Variants in CCDC91 observed in about 807,000 individuals in gnomAD.
The protein encoded by CCDC91 is coiled-coil domain containing 91, also known as coiled-coil domain-containing protein 91.
In CCDC91, 48 loss-of-function variants were observed where a neutral mutation model predicts 63.2. The ratio of observed to expected loss-of-function variants is 0.76; its 90% CI spans 0.60 to 0.97. The LOEUF is 0.97. Ranked by LOEUF, CCDC91 falls within the 50% of genes least tolerant of loss-of-function variation. The probability of loss-of-function intolerance (pLI) is 0.00; values close to 1 mark genes in which losing one functional copy is unlikely to be tolerated. For synonymous variants in CCDC91, 167 were observed against 165.8 expected (o/e 1.01, Z -0.06); for missense variants, 500 against 494.6 (o/e 1.01, Z -0.10).
intron 12 of CCDC91, among the ~76,000 whole-genome samples, chr12:28,521,796 T>G (rs2141443681): frequency 6.6e-6 from 1 of 152,318 alleles, no homozygotes; most frequent in African/African-American, 2.4e-5. Flanking sequence ...TTGTTGAGTT[T>G]TGTCAAAGGC....
chr12:28,443,745 CAG>C (rs1285314791), intron 8 of CCDC91, among the ~76,000 whole-genome samples: 11 of 152,038 alleles, frequency 7.2e-5, no homozygotes, highest in African/African-American at 2.4e-4. Flanking sequence ...ACTGGGATGA[CAG>C]AACATTTTTT....
intron 6 of CCDC91, among the ~76,000 whole-genome samples, chr12:28,329,148 A>G (rs1165596520): frequency 6.6e-6 from 1 of 152,204 alleles, no homozygotes; most frequent in Non-Finnish European, 1.5e-5. Flanking sequence ...TTAAAATGTG[A>G]ATCACTTGCC....
intron 12 of CCDC91, among the ~76,000 whole-genome samples, chr12:28,542,305 A>T (rs1380660539): frequency 6.6e-6 from 1 of 152,062 alleles, no homozygotes; most frequent in Non-Finnish European, 1.5e-5. Flanking sequence ...ATAGTTCTTT[A>T]GTTGTGGTCA....
chr12:28,461,047 C>A (rs1950283734), intron 11 of CCDC91, among the ~76,000 whole-genome samples: 1 of 151,822 alleles, frequency 6.6e-6, no homozygotes, highest in Admixed American at 6.6e-5. Flanking sequence ...GCTACAAACC[C>A]ATACAGCATG....
intron 8 of CCDC91, among the ~76,000 whole-genome samples, chr12:28,400,776 C>T (rs1946572637): frequency 6.6e-6 from 1 of 152,172 alleles, no homozygotes; most frequent in Admixed American, 6.5e-5. Context: ...ATCTCTAGGG[C>T]AGGGACAAAA....
chr12:28,527,954 C>A (rs1941414494), intron 12 of CCDC91, among the ~76,000 whole-genome samples: 1 of 152,138 alleles, frequency 6.6e-6, no homozygotes, highest in South Asian at 2.1e-4. Flanking sequence ...CTGTGCCCCC[C>A]CGCCAAGAGC....
intron 3 of CCDC91, among the ~76,000 whole-genome samples, chr12:28,267,852 GTAATAT>G (rs1947377640): frequency 3.8e-5 from 1 of 26,156 alleles, no homozygotes; most frequent in South Asian, 1.6e-3. Context: ...TAATTATATA[GTAATAT>G]ATAATTATAT....
chr12:28,271,219 A>G (rs186744567), intron 3 of CCDC91, among the ~76,000 whole-genome samples: 1 of 152,238 alleles, frequency 6.6e-6, no homozygotes, highest in East Asian at 1.9e-4. Flanking sequence ...GACAGAGGGA[A>G]ACAGAGAGCA....
intron 7 of CCDC91, among the ~76,000 whole-genome samples, chr12:28,373,669 C>G (rs927776087): frequency 6.6e-6 from 1 of 151,898 alleles, no homozygotes; most frequent in African/African-American, 2.4e-5. Flanking sequence ...GATCAATTTT[C>G]CAGAGACTGA....
intron 12 of CCDC91, among the ~76,000 whole-genome samples, chr12:28,519,498 CA>C (rs1940345667): frequency 6.6e-6 from 1 of 151,850 alleles, no homozygotes; most frequent in Admixed American, 6.6e-5. Context: ...AGGTCATCAG[CA>C]AACAGTGACA....
chr12:28,348,979 C>T (rs927380924), intron 6 of CCDC91, among the ~76,000 whole-genome samples: 1 of 152,192 alleles, frequency 6.6e-6, no homozygotes, highest in African/African-American at 2.4e-5. Flanking sequence ...CCACCTTGGC[C>T]TCCCAAAGTG....
At chr12:28,474,433 A>G (rs544353635) in intron 11 of CCDC91, among the ~76,000 whole-genome samples, 35 of 152,220 alleles carry the variant, frequency 2.3e-4, no homozygotes, top group South Asian at 1.5e-3. Flanking sequence ...AAGTATTCTA[A>G]TCTAGTGGAT....
chr12:28,340,571 A>G (rs897469834), intron 6 of CCDC91, among the ~76,000 whole-genome samples: 8 of 152,040 alleles, frequency 5.3e-5, no homozygotes, highest in Non-Finnish European at 1.0e-4. Flanking sequence ...AGTCTTTCTT[A>G]TATTGCATCA....
intron 12 of CCDC91, among the ~76,000 whole-genome samples, chr12:28,528,849 A>C (rs995883611): frequency 1.3e-5 from 2 of 152,150 alleles, no homozygotes; most frequent in African/African-American, 2.4e-5. Flanking sequence ...TAAACAACTT[A>C]AATGTCTATC....
At chr12:28,200,171 A>G (rs1232833523) in intron 1 of CCDC91, among the ~76,000 whole-genome samples, 1 of 148,004 alleles carries the variant, frequency 6.8e-6, no homozygotes, top group Non-Finnish European at 1.5e-5. Context: ...GATAATCTCA[A>G]TTGACCTATC....
chr12:28,350,125 T>C (rs1055690650), intron 6 of CCDC91, among the ~76,000 whole-genome samples: 4 of 152,234 alleles, frequency 2.6e-5, no homozygotes, highest in African/African-American at 9.6e-5. Flanking sequence ...CAACTTTGAC[T>C]CTTTGCCTTT....
At chr12:28,399,323 A>G (rs1376773684) in intron 8 of CCDC91, among the ~76,000 whole-genome samples, 2 of 152,164 alleles carry the variant, frequency 1.3e-5, no homozygotes, top group Non-Finnish European at 2.9e-5. Context: ...TGAGAACTCA[A>G]CTATCATGAG....
intron 1 of CCDC91, among the ~76,000 whole-genome samples, chr12:28,249,752 A>G (rs1289329846): frequency 1.3e-5 from 2 of 152,004 alleles, no homozygotes; most frequent in Non-Finnish European, 2.9e-5. Flanking sequence ...AAAGAGGATA[A>G]AGGACTACAG....
chr12:28,443,848 T>C (rs1490082603), intron 8 of CCDC91, among the ~76,000 whole-genome samples: 1 of 152,212 alleles, frequency 6.6e-6, no homozygotes, highest in Non-Finnish European at 1.5e-5. Flanking sequence ...ACAACCCTGA[T>C]GTTTTGTTAT....
Sources: gnomAD v4.1 joint callset for allele counts (sites outside exome capture counted in the v4.1 genomes callset) on GRCh38, gnomAD v4.1.1 for gene constraint, MANE v1.5 for transcripts, NCBI Gene and HGNC (gene_info 2026-07-23, HGNC 2026-07-21) for gene names.